The following C12orf75 variants were observed in gnomAD, a reference collection of about 807,000 sequenced individuals.
C12orf75 encodes chromosome 12 open reading frame 75, also known as overexpressed in colon carcinoma 1 protein.
C12orf75 carries 4 observed loss-of-function variants against 11.4 expected under a neutral mutation model. That is an observed-to-expected ratio of 0.35 (90% confidence interval 0.17 to 0.80). The LOEUF (loss-of-function observed/expected upper bound fraction) is 0.80, where lower values mean the gene tolerates loss of function less well. Among genes scored for constraint, C12orf75 ranks in the 30% least tolerant of loss-of-function variants. The pLI is 0.52. For synonymous variants in C12orf75, 30 were observed against 30.0 expected (o/e 1.00, Z 0.00); for missense variants, 89 against 80.4 (o/e 1.11, Z -0.41).
At chr12:105,366,497 A>G in intron 3 of C12orf75, 120 bp from the exon 4 acceptor site, 1 of 460,916 alleles carries the variant, frequency 2.2e-6, no homozygotes, top group Non-Finnish European at 3.8e-6. Context: ...TCTAGATTCT[A>G]CTTTTGAAAA....
intron 1 of C12orf75, among the ~76,000 whole-genome samples, chr12:105,345,022 A>AG (rs1247892212): frequency 2.0e-5 from 3 of 150,052 alleles, no homozygotes; most frequent in African/African-American, 7.3e-5. Context: ...TCCTAAGTTA[A>AG]CCTGCAAAAC....
At chr12:105,337,426 T>C (rs1421924818) in intron 1 of C12orf75, among the ~76,000 whole-genome samples, 2 of 152,096 alleles carry the variant, frequency 1.3e-5, no homozygotes, top group Non-Finnish European at 2.9e-5. Context: ...CTCAAACCTG[T>C]CTCTCTGAGA....
At chr12:105,348,545 A>G in intron 1 of C12orf75, 57 bp from the exon 2 acceptor site, 2 of 1,257,892 alleles carry the variant, frequency 1.6e-6, no homozygotes, top group African/African-American at 3.1e-5. Context: ...GTATTAGACA[A>G]CATTTTTGTA....
chr12:105,361,443 G>A (rs907287381), intron 2 of C12orf75, among the ~76,000 whole-genome samples: 13 of 152,174 alleles, frequency 8.5e-5, no homozygotes, highest in African/African-American at 3.1e-4. Flanking sequence ...TTGTAAAAGT[G>A]TTGAGTGATA....
intron 2 of C12orf75, among the ~76,000 whole-genome samples, chr12:105,357,221 G>A (rs915909190): frequency 5.3e-5 from 8 of 152,242 alleles, no homozygotes; most frequent in African/African-American, 1.9e-4. Context: ...CCTGAGAAGG[G>A]TAAGAAGAGC....
At chr12:105,336,279 T>TGA (rs1263591232) in intron 1 of C12orf75, among the ~76,000 whole-genome samples, 1 of 152,176 alleles carries the variant, frequency 6.6e-6, no homozygotes, top group Non-Finnish European at 1.5e-5. Context: ...GCCACAGAGT[T>TGA]GAGAGTGGGC....
intron 2 of C12orf75, among the ~76,000 whole-genome samples, chr12:105,362,410 T>G (rs1182649456): frequency 5.0e-5 from 4 of 80,218 alleles, no homozygotes; most frequent in East Asian, 4.2e-4. Context: ...AAAAAAAAAA[T>G]TTGGAGAGCT....
chr12:105,365,731 C>G (rs1871451273), intron 2 of C12orf75, 76 bp from the exon 3 acceptor site: 4 of 1,036,176 alleles, frequency 3.9e-6, no homozygotes, highest in Non-Finnish European at 5.9e-6. Context: ...TCAGTAGTCC[C>G]TTTTTCTCAT....
chr12:105,370,034 T>G (rs187832442), intron 5 of C12orf75, among the ~76,000 whole-genome samples: 2 of 152,336 alleles, frequency 1.3e-5, no homozygotes, highest in African/African-American at 4.8e-5. Context: ...CAAAGTTGAT[T>G]TGGTTTGGTT....
chr12:105,357,724 A>AT (rs1037896369), intron 2 of C12orf75, among the ~76,000 whole-genome samples: 10 of 151,864 alleles, frequency 6.6e-5, no homozygotes, highest in Admixed American at 2.0e-4. Context: ...AAGAAGCTAC[A>AT]TTTTTTTGCT....
intron 2 of C12orf75, among the ~76,000 whole-genome samples, chr12:105,365,306 G>A (rs1313221627): frequency 6.6e-6 from 1 of 152,120 alleles, no homozygotes; most frequent in East Asian, 1.9e-4. Context: ...TTGCACTGAA[G>A]AAGTCTTTCA....
chr12:105,338,109 A>G (rs1177389609), intron 1 of C12orf75, among the ~76,000 whole-genome samples: 1 of 152,332 alleles, frequency 6.6e-6, no homozygotes, highest in South Asian at 2.1e-4. Flanking sequence ...ATTTTATTAT[A>G]TCAGCTAAAT....
At chr12:105,331,045 C>G in intron 1 of C12orf75, 108 bp downstream of exon 1, 5 of 727,210 alleles carry the variant, frequency 6.9e-6, no homozygotes, top group Non-Finnish European at 9.4e-6. Context: ...CTCCCCGTCC[C>G]CATTTTCGGG....
intron 1 of C12orf75, among the ~76,000 whole-genome samples, chr12:105,344,131 A>G (rs190907029): frequency 1.3e-5 from 2 of 152,262 alleles, no homozygotes; most frequent in East Asian, 3.9e-4. Flanking sequence ...AGAGTTCCTG[A>G]TGCTGATTAA....
intron 2 of C12orf75, among the ~76,000 whole-genome samples, chr12:105,365,121 G>A (rs1476449467): frequency 6.6e-6 from 1 of 152,132 alleles, no homozygotes. Context: ...ACAGGCATGA[G>A]CCACCATGTC....
At chr12:105,367,725 A>G (rs1871520371) in intron 5 of C12orf75, among the ~76,000 whole-genome samples, 2 of 152,212 alleles carry the variant, frequency 1.3e-5, no homozygotes, top group East Asian at 3.8e-4. Context: ...TTTTGTTAAA[A>G]ATGAATATTT....
rs1432588 is a variant in C12orf75 at position 105,366,060 on chromosome 12, C to T, written c.107+218C>T. ...CTTGGTTTTTGTCCTATGCATGTGG[C>T]GTGTGCTAATTTTCATCCTATGACC... On this transcript the variant is annotated intron_variant, in intron 3 of 5. Transcript: ENST00000443585. 128,362 of 562,346 alleles carry T rather than the reference C, an allele frequency of 0.23. 21,065 individuals are homozygous for T. The highest frequency in any genetic ancestry group is 0.65 in the East Asian group (22,054 of 33,834). The allele number at this position is 562,346 out of a possible 1,614,324, so 34.8% of individuals were successfully genotyped here. A position where few individuals can be genotyped will look rare whatever the true frequency, so the allele number is the denominator to read the frequency against.
intron 2 of C12orf75, chr12:105,353,523 C>G (rs1358891682): frequency 6.6e-6 from 1 of 151,918 alleles, no homozygotes; most frequent in Non-Finnish European, 1.5e-5. Flanking sequence ...GGCCAAAGAG[C>G]AGAAGAGGGG....
intron 1 of C12orf75, among the ~76,000 whole-genome samples, chr12:105,332,930 GA>G (rs35954124): frequency 1.7e-3 from 213 of 123,532 alleles, no homozygotes; most frequent in South Asian, 4.3e-3. Context: ...AAGTCATATT[GA>G]AAAAAAAAAA....
Sources: gnomAD v4.1 joint callset for allele counts (sites outside exome capture counted in the v4.1 genomes callset) on GRCh38, gnomAD v4.1.1 for gene constraint, MANE v1.5 for transcripts, NCBI Gene and HGNC (gene_info 2026-07-23, HGNC 2026-07-21) for gene names.